Variants in SCAF8 observed in about 807,000 individuals in gnomAD.
SCAF8 encodes the protein SR-related and CTD-associated factor 8.
A neutral mutation model predicts 140.5 loss-of-function variants in SCAF8; 23 were observed. The ratio of observed to expected loss-of-function variants is 0.16; its 90% confidence interval spans 0.12 to 0.23. The LOEUF (loss-of-function observed/expected upper bound fraction) is 0.23. SCAF8 is among the 10% of genes least tolerant of loss of function. The pLI is 1.00. For synonymous variants in SCAF8, 575 were observed against 528.9 expected, an observed-to-expected ratio of 1.09 and a Z score of -1.20; for missense variants, 1,397 against 1,555.7, an observed-to-expected ratio of 0.90 and a Z score of 1.72.
At chr6:154,762,698 T>C (rs1776440723) in intron 1 of SCAF8, among the ~76,000 whole-genome samples, 1 of 152,190 alleles carries the variant, frequency 6.6e-6, no homozygotes, top group Non-Finnish European at 1.5e-5. Context: ...TTTTTATTTA[T>C]AATACAAATA....
intron 6 of SCAF8, among the ~76,000 whole-genome samples, chr6:154,796,843 A>G (rs1017553167): frequency 2.6e-5 from 4 of 152,106 alleles, no homozygotes; most frequent in Admixed American, 1.3e-4. Context: ...AGCTTGGCAC[A>G]TGCCTGTAAT....
chr6:154,762,713 A>G (rs541183174), intron 1 of SCAF8, among the ~76,000 whole-genome samples: 2 of 152,260 alleles, frequency 1.3e-5, no homozygotes, highest in African/African-American at 4.8e-5. Context: ...CAAATATTTT[A>G]CCTTGAGGCT....
chr6:154,751,555 C>G (rs1456584967), intron 1 of SCAF8, among the ~76,000 whole-genome samples: 3 of 152,098 alleles, frequency 2.0e-5, no homozygotes, highest in African/African-American at 7.2e-5. Flanking sequence ...ACCTGAAAGA[C>G]ATATCTGAAA....
Position 154,733,680 on chromosome 6 carries a change from C to A in SCAF8, c.-221C>A. 1 of 1,306,816 alleles carries A rather than the reference C, an allele frequency of 7.7e-7. No individual in the cohort carries two copies. Among genetic ancestry groups the A allele is most frequent in the Non-Finnish European group, 9.7e-7 (1 of 1,031,332 alleles). The allele number at this position is 1,306,816 out of a possible 1,614,324, so 81.0% of individuals were successfully genotyped here. A position where few individuals can be genotyped will look rare whatever the true frequency, so the allele number is the denominator to read the frequency against. ...AGCGCCTCTGTTCCCTAGAACGGCG[C>A]TCCCCCCGCCCTAGCGGCCATGCCG... On this transcript the variant is annotated 5_prime_UTR_variant, in exon 1 of 20. Transcript: ENST00000367178.
intron 6 of SCAF8, among the ~76,000 whole-genome samples, chr6:154,800,149 C>G (rs558128454): frequency 1.3e-5 from 2 of 151,500 alleles, no homozygotes; most frequent in African/African-American, 4.8e-5. Flanking sequence ...TCTCTCTCGC[C>G]TCTGCTTACT....
intron 1 of SCAF8, among the ~76,000 whole-genome samples, chr6:154,752,992 TAC>T (rs1310905691): frequency 2.0e-5 from 3 of 151,842 alleles, no homozygotes; most frequent in East Asian, 1.9e-4. Flanking sequence ...TAAAAAGGAG[TAC>T]AGTTTTGTTT....
At position 154,773,105 on chromosome 6, in the gene SCAF8, A is replaced by T. The variant is rs1339538057; in HGVS notation, c.31-884A>T. Among the ~76,000 whole-genome samples the T allele has an allele frequency of 3.3e-5, 5 of 152,154 alleles. No individual in the cohort carries two copies. The East Asian group carries it at 7.7e-4, about 23-fold the overall frequency. ...AAGTTTTATTGAGATACATACCATA[A>T]AATCAGTCAACTTAAAGTATACAAT... is the stretch of plus-strand genomic sequence containing the variant. On this transcript the variant is annotated intron_variant, in intron 1 of 19. Transcript: ENST00000367178.
At chr6:154,758,339 C>T (rs1779017199) in intron 1 of SCAF8, among the ~76,000 whole-genome samples, 1 of 152,170 alleles carries the variant, frequency 6.6e-6, no homozygotes, top group South Asian at 2.1e-4. Flanking sequence ...CGAGTTCTGT[C>T]TTGCCTTTTT....
intron 3 of SCAF8, among the ~76,000 whole-genome samples, chr6:154,780,677 C>A (rs1583028377): frequency 6.6e-6 from 1 of 152,146 alleles, no homozygotes; most frequent in African/African-American, 2.4e-5. Context: ...CCAGCTTCAT[C>A]CATGTCACTG....
chr6:154,796,765 G>GA (rs1777620173), intron 6 of SCAF8, among the ~76,000 whole-genome samples: 1 of 152,110 alleles, frequency 6.6e-6, no homozygotes, highest in Non-Finnish European at 1.5e-5. Context: ...TTGAGGCCAG[G>GA]AGTTGAAGAC....
intron 1 of SCAF8, among the ~76,000 whole-genome samples, chr6:154,764,211 G>A (rs1036544533): frequency 2.0e-5 from 3 of 151,614 alleles, no homozygotes; most frequent in African/African-American, 4.8e-5. Context: ...CATGATGGGA[G>A]TTGAAACATA....
Position 154,792,909 on chromosome 6 carries a change from C to T in SCAF8, c.408C>T (p.Ala136=), listed in dbSNP as rs767852857. 25 of 1,613,654 alleles carry T rather than the reference C, an allele frequency of 1.5e-5. No individual in the cohort carries two copies. Among genetic ancestry groups the T allele is most frequent in the Admixed American group, 5.0e-5 (3 of 59,966 alleles). Residue 136 remains alanine, a synonymous_variant, in exon 5 of 20, where the codon GCC becomes GCT. Transcript: ENST00000367178. ...EIIQPLLDMA[A]GIPPPVVTPV... ...TTCAGCCCCTTTTGGATATGGCAGC[C>T]GGGATTCCGCCTCCAGTTGTCACAC... is the stretch of plus-strand genomic sequence containing the variant.
chr6:154,824,192 T>G, intron 16 of SCAF8, 42 bp from the exon 17 acceptor site: 3 of 1,600,944 alleles, frequency 1.9e-6, no homozygotes, highest in Non-Finnish European at 2.6e-6. Context: ...AAGATGCAGG[T>G]GAATAAACTG....
At chr6:154,823,179 G>A (rs1448930160) in intron 16 of SCAF8, among the ~76,000 whole-genome samples, 1 of 152,156 alleles carries the variant, frequency 6.6e-6, no homozygotes, top group Non-Finnish European at 1.5e-5. Flanking sequence ...TCCTCTCTAA[G>A]GACTTTGGCT....
In SCAF8 at chr6:154,769,936, T is replaced by G. The variant is rs138207086; in HGVS notation, c.31-4053T>G. 1.1e-3 allele frequency among the ~76,000 whole-genome samples: 169 copies of G among 152,328 alleles called. 1 individual carries two copies. The highest frequency in any genetic ancestry group is 3.9e-3 in the African/African-American group (162 of 41,568). Reference sequence around the variant, plus strand: ...AGGAATGGATTTCAAATGGGCCTGCTGGGAAATTTTGGGAAATTGACCTTT... The same window carrying G: ...AGGAATGGATTTCAAATGGGCCTGCGGGGAAATTTTGGGAAATTGACCTTT... On this transcript the variant is annotated intron_variant, in intron 1 of 19. Coordinates refer to ENST00000367178, the MANE Select transcript of SCAF8 (RefSeq NM_014892.5).
At chr6:154,820,062 T>G in intron 14 of SCAF8, 115 bp from the exon 15 acceptor site, 5 of 793,350 alleles carry the variant, frequency 6.3e-6, no homozygotes, top group Non-Finnish European at 7.3e-6. Context: ...TCCAGCTGTT[T>G]TCTAAAACCA....
intron 12 of SCAF8, among the ~76,000 whole-genome samples, chr6:154,810,683 C>T (rs565584161): frequency 1.4e-4 from 21 of 152,232 alleles, no homozygotes; most frequent in African/African-American, 1.7e-4. Context: ...TAGTCAATTA[C>T]GTATGATTAG....
chr6:154,830,733 T>G (rs955186497), intron 18 of SCAF8, among the ~76,000 whole-genome samples, 189 bp from the exon 19 acceptor site: 2 of 152,230 alleles, frequency 1.3e-5, no homozygotes, highest in African/African-American at 4.8e-5. Context: ...TTCCCTATTT[T>G]TGGATAAAGC....
intron 15 of SCAF8, among the ~76,000 whole-genome samples, chr6:154,821,719 C>A (rs1197224046): frequency 6.6e-6 from 1 of 152,162 alleles, no homozygotes; most frequent in African/African-American, 2.4e-5. Flanking sequence ...TTATAGCTTG[C>A]GCAGAGTGAG....
Sources: allele counts gnomAD v4.1 joint callset (sites outside exome capture counted in the v4.1 genomes callset), GRCh38; gene constraint gnomAD v4.1.1; transcripts MANE v1.5; gene names NCBI Gene and HGNC (gene_info 2026-07-23, HGNC 2026-07-21).